The following CLDN14 variants were observed in gnomAD, a reference collection of about 807,000 sequenced individuals.
The protein encoded by CLDN14 is claudin 14.
A neutral mutation model predicts 2.1 loss-of-function variants in CLDN14; 2 were observed. The observed-to-expected ratio is 0.96, with a 90% CI of 0.39 to 3.01. The LOEUF is 3.01. CLDN14 is among the 30% of genes most tolerant of loss of function. CLDN14 has a pLI of 0.09. For synonymous variants in CLDN14, 136 were observed against 154.4 expected, an observed-to-expected ratio of 0.88 and a Z score of 0.88; for missense variants, 298 against 328.0, an observed-to-expected ratio of 0.91 and a Z score of 0.71.
At chr21:36,488,263 T>TTCCTTCCTTCCG (rs1290136101) in intron 2 of CLDN14, among the ~76,000 whole-genome samples, 1 of 148,434 alleles carries the variant, frequency 6.7e-6, no homozygotes, top group East Asian at 2.0e-4. Context: ...CCTTCCTTCC[T>TTCCTTCCTTCCG]TCCTTCCTTC....
intron 1 of CLDN14, among the ~76,000 whole-genome samples, chr21:36,511,229 C>G (rs1464994461): frequency 6.6e-6 from 1 of 152,162 alleles, no homozygotes; most frequent in Non-Finnish European, 1.5e-5. Flanking sequence ...GTGTTTTTTT[C>G]TAAGTGAGCA....
chr21:36,563,660 AT>A (rs2087653255), intron 1 of CLDN14, among the ~76,000 whole-genome samples: 1 of 152,224 alleles, frequency 6.6e-6, no homozygotes, highest in Non-Finnish European at 1.5e-5. Context: ...GGAAACGATT[AT>A]TAGAAAATGT....
intron 1 of CLDN14, among the ~76,000 whole-genome samples, chr21:36,564,739 G>A (rs1212665901): frequency 1.3e-5 from 2 of 152,228 alleles, no homozygotes; most frequent in Admixed American, 1.3e-4. Flanking sequence ...TGCTAACCAG[G>A]TGACTTCAGA....
intron 1 of CLDN14, among the ~76,000 whole-genome samples, chr21:36,473,230 T>G (rs1234859878): frequency 6.6e-6 from 1 of 152,174 alleles, no homozygotes; most frequent in Non-Finnish European, 1.5e-5. Flanking sequence ...ACTACAGGCA[T>G]GTGCCATCAC....
At chr21:36,517,131 C>T (rs150280255) in intron 1 of CLDN14, among the ~76,000 whole-genome samples, 196 of 152,298 alleles carry the variant, frequency 1.3e-3, no homozygotes, top group African/African-American at 3.3e-3. Context: ...TGAGCCACCA[C>T]GCCTGGCCTG....
chr21:36,503,298 C>T (rs991214806), intron 2 of CLDN14, among the ~76,000 whole-genome samples: 1 of 152,188 alleles, frequency 6.6e-6, no homozygotes, highest in African/African-American at 2.4e-5. Flanking sequence ...AAGTGATCCA[C>T]CTGCCTTGCC....
chr21:36,533,939 A>G (rs2087403256), intron 1 of CLDN14, among the ~76,000 whole-genome samples: 2 of 152,162 alleles, frequency 1.3e-5, no homozygotes, highest in African/African-American at 2.4e-5. Flanking sequence ...ATAAACCTCC[A>G]CGGCACAAGT....
intron 1 of CLDN14, among the ~76,000 whole-genome samples, chr21:36,474,623 A>G (rs567053111): frequency 1.3e-3 from 202 of 152,274 alleles, no homozygotes; most frequent in African/African-American, 4.5e-3. Flanking sequence ...GCCACCCAGA[A>G]CAACACCGAT....
chr21:36,469,781 A>C (rs2086687446), intron 1 of CLDN14, among the ~76,000 whole-genome samples: 1 of 152,224 alleles, frequency 6.6e-6, no homozygotes, highest in Non-Finnish European at 1.5e-5. Flanking sequence ...TGGAGGCATT[A>C]TCTCTCTCAT....
intron 1 of CLDN14, among the ~76,000 whole-genome samples, chr21:36,554,922 C>T (rs1011565241): frequency 2.6e-5 from 4 of 152,214 alleles, no homozygotes; most frequent in Non-Finnish European, 4.4e-5. Flanking sequence ...CTGACACATG[C>T]CATTCCCCAA....
At chr21:36,538,474 T>C (rs9305594) in intron 1 of CLDN14, among the ~76,000 whole-genome samples, 72,860 of 151,762 alleles carry the variant, frequency 0.48, 19,601 homozygotes, top group Middle Eastern at 0.62. Flanking sequence ...ATTAGCTGGG[T>C]GTGGTGGCAC....
chr21:36,531,987 G>A (rs1165518722), intron 1 of CLDN14: 3 of 152,132 alleles, frequency 2.0e-5, no homozygotes, highest in East Asian at 1.9e-4. Flanking sequence ...GAAGATGTAC[G>A]TGAAATAATT....
rs190169964 is a variant in CLDN14 at position 36,463,188 on chromosome 21, C to T, written c.-81-1412G>A. On this transcript the variant is annotated intron_variant, in intron 1 of 1. Transcript: ENST00000399135. ...CATTAGGAGGTCCCAGCCCTGGCTG[C>T]GCCCATCCAGTGGGCGACCTGGGGC... Among the ~76,000 whole-genome samples, 477 of 152,318 alleles carry T rather than the reference C, an allele frequency of 3.1e-3. 1 individual carries two copies. Among genetic ancestry groups the T allele is most frequent in the African/African-American group, 0.011 (453 of 41,572 alleles).
In CLDN14 at chr21:36,525,403, A is replaced by G. The variant is rs945464121; in HGVS notation, c.-219-14903T>C. Among the ~76,000 whole-genome samples the G allele has an allele frequency of 7.2e-5, 11 of 151,844 alleles. 1 individual carries two copies. The highest frequency in any genetic ancestry group is 2.7e-4 in the African/African-American group (11 of 41,410). On this transcript the variant is annotated intron_variant, in intron 1 of 2. Transcript: ENST00000342108. ...TCAAAGCTAAATGAAAAAAAAAAGA[A>G]ATAAAGACTTGAAGCTGGCAGCGAG...
chr21:36,533,344 T>G (rs768590408), intron 1 of CLDN14, among the ~76,000 whole-genome samples: 1 of 152,196 alleles, frequency 6.6e-6, no homozygotes, highest in African/African-American at 2.4e-5. Flanking sequence ...TTGGTGACAT[T>G]GGGTGTGACC....
intron 2 of CLDN14, among the ~76,000 whole-genome samples, chr21:36,485,302 A>T (rs753471891): frequency 5.6e-5 from 8 of 143,226 alleles, no homozygotes; most frequent in Non-Finnish European, 1.3e-4. Flanking sequence ...TTTGCCTCCC[A>T]GGTTCAAGCG....
At position 36,460,903 on chromosome 21, in the gene CLDN14, C is replaced by T. The variant is rs2146409007; in HGVS notation, c.*73G>A. The T allele has an allele frequency of 1.9e-6, 3 of 1,545,222 alleles. 1 individual carries two copies. The South Asian group carries it at 3.5e-5, about 18-fold the overall frequency. ...CCCAGAAGTAAACTTTGTGCTGGAA[C>T]CCCTGCCTCCATTGACAGTCCCGCC... On this transcript the variant is annotated 3_prime_UTR_variant, in exon 2 of 2. Coordinates refer to ENST00000399135, the MANE Select transcript of CLDN14 (RefSeq NM_001146079.2). This position sits in a 1 kb window ranked among gnomAD's most constrained non-coding sequence, Gnocchi z 4.0.
intron 1 of CLDN14, among the ~76,000 whole-genome samples, chr21:36,537,846 C>A (rs897166493): frequency 1.3e-5 from 2 of 152,134 alleles, no homozygotes; most frequent in African/African-American, 4.8e-5. Flanking sequence ...GACGGGGTTT[C>A]ACCATGTTGG....
chr21:36,537,266 T>C (rs984862063), intron 1 of CLDN14, among the ~76,000 whole-genome samples: 1 of 151,938 alleles, frequency 6.6e-6, no homozygotes, highest in African/African-American at 2.4e-5. Flanking sequence ...AAATCCAGGC[T>C]GTGGGGTTGT....
Sources: gnomAD v4.1 joint callset for allele counts (sites outside exome capture counted in the v4.1 genomes callset) on GRCh38, gnomAD v4.1.1 for gene constraint, Gnocchi (gnomAD v3.1) non-coding constraint, MANE v1.5 for transcripts, NCBI Gene and HGNC (gene_info 2026-07-23, HGNC 2026-07-21) for gene names.